The following PPARGC1A variants were observed in gnomAD, a reference collection of about 807,000 sequenced individuals.
PPARGC1A encodes the protein peroxisome proliferator-activated receptor gamma coactivator 1-alpha.
In PPARGC1A, 25 loss-of-function variants were observed where a neutral mutation model predicts 88.7. The observed-to-expected ratio is 0.28, with a 90% CI of 0.21 to 0.39. The LOEUF is 0.39. PPARGC1A is among the 10% of genes least tolerant of loss of function. The probability of loss-of-function intolerance (pLI) is 1.00; values close to 1 mark genes in which losing one functional copy is unlikely to be tolerated. For missense variants in PPARGC1A, 880 were observed against 968.7 expected (o/e 0.91, Z 1.22); for synonymous variants, 363 against 355.6 (o/e 1.02, Z -0.24).
chr4:23,844,621 AT>A (rs1185838718), intron 2 of PPARGC1A, among the ~76,000 whole-genome samples: 2 of 85,984 alleles, frequency 2.3e-5, no homozygotes, highest in Non-Finnish European at 4.0e-5. Context: ...AATATATTAT[AT>A]TAATATATAA....
chr4:23,913,094 C>T, the PPARGC1A span, among the ~76,000 whole-genome samples: 2 of 149,742 alleles, frequency 1.3e-5, no homozygotes, highest in African/African-American at 2.4e-5. Context: ...CGTGAGCCAC[C>T]GCACCTGGCC....
chr4:24,467,008 G>GAGAAAGAAAGAAAGAAAGAA, the PPARGC1A span, among the ~76,000 whole-genome samples: 3,351 of 128,802 alleles, frequency 0.026, 95 homozygotes, highest in Non-Finnish European at 0.034. Flanking sequence ...GAAGGAAGGG[G>GAGAAAGAAAGAAAGAAAGAA]AGAAAGAAAG....
upstream of PPARGC1A, among the ~76,000 whole-genome samples, chr4:23,901,916 T>A (rs1050330791): frequency 2.6e-5 from 4 of 152,140 alleles, no homozygotes; most frequent in African/African-American, 4.8e-5. Flanking sequence ...TTCTGTGTAG[T>A]GAAATGCTGG....
chr4:23,818,157 C>T (rs1447408133), intron 7 of PPARGC1A, among the ~76,000 whole-genome samples: 1 of 152,098 alleles, frequency 6.6e-6, no homozygotes, highest in Non-Finnish European at 1.5e-5. Context: ...TGGATTATTT[C>T]CTGCGTGTTG....
At chr4:24,095,912 T>G in the PPARGC1A span, among the ~76,000 whole-genome samples, 1 of 152,156 alleles carries the variant, frequency 6.6e-6, no homozygotes, top group Non-Finnish European at 1.5e-5. Flanking sequence ...CCTCATCACC[T>G]CTTAAAGGCC....
the PPARGC1A span, among the ~76,000 whole-genome samples, chr4:24,026,334 C>T: frequency 0.93 from 142,172 of 152,258 alleles, 66,432 homozygotes; most frequent in Admixed American, 0.96. Flanking sequence ...GAAATGTTTG[C>T]ATACACAAAA....
chr4:24,470,434 G>C, the PPARGC1A span, among the ~76,000 whole-genome samples: 1 of 152,104 alleles, frequency 6.6e-6, no homozygotes, highest in African/African-American at 2.4e-5. The surrounding 1 kb of genome is among the most constrained non-coding windows in gnomAD (Gnocchi z 5.8). Flanking sequence ...AGGAAGCGTG[G>C]AGAGCACCCA....
At chr4:24,319,637 T>A in the PPARGC1A span, among the ~76,000 whole-genome samples, 989 of 152,252 alleles carry the variant, frequency 6.5e-3, 5 homozygotes, top group Admixed American at 0.013. Flanking sequence ...CTGTAGACAC[T>A]GTTTTCCCCA....
chr4:24,413,686 C>T, the PPARGC1A span, among the ~76,000 whole-genome samples: 2 of 152,102 alleles, frequency 1.3e-5, no homozygotes, highest in Admixed American at 6.5e-5. Flanking sequence ...TCCTTCTTTC[C>T]GCTGCTGGCT....
At chr4:23,820,433 A>C (rs1722809719) in intron 7 of PPARGC1A, 2 of 218,426 alleles carry the variant, frequency 9.2e-6, no homozygotes, top group Admixed American at 5.5e-5. Context: ...TTTGGTCCCT[A>C]CCCAAATTCC....
the PPARGC1A span, among the ~76,000 whole-genome samples, chr4:24,419,695 C>T: frequency 6.6e-6 from 1 of 151,986 alleles, no homozygotes; most frequent in African/African-American, 2.4e-5. Flanking sequence ...TCAATTCTTT[C>T]CAGAGAGGAA....
At chr4:24,084,770 G>A in the PPARGC1A span, among the ~76,000 whole-genome samples, 3 of 152,106 alleles carry the variant, frequency 2.0e-5, no homozygotes, top group Non-Finnish European at 2.9e-5. Context: ...ATGAATGAAC[G>A]TGTCCCACAT....
the PPARGC1A span, among the ~76,000 whole-genome samples, chr4:24,380,108 A>G: frequency 1.3e-5 from 2 of 151,894 alleles, no homozygotes; most frequent in Admixed American, 1.3e-4. Flanking sequence ...TAAAATATAT[A>G]GTTTTTTTTT....
chr4:23,811,196 T>A (rs1270582342), intron 10 of PPARGC1A, among the ~76,000 whole-genome samples: 1 of 152,232 alleles, frequency 6.6e-6, no homozygotes, highest in African/African-American at 2.4e-5. Flanking sequence ...TTAACCTTTT[T>A]CCTCCAGCTG....
chr4:24,079,481 A>T, the PPARGC1A span, among the ~76,000 whole-genome samples: 5 of 151,860 alleles, frequency 3.3e-5, no homozygotes, highest in African/African-American at 1.2e-4. Context: ...TCTTATTTGT[A>T]TGAGATCTTC....
At chr4:23,891,235 T>G (rs2148857151), upstream of PPARGC1A, among the ~76,000 whole-genome samples, 1 of 152,296 alleles carries the variant, frequency 6.6e-6, no homozygotes, top group South Asian at 2.1e-4. Context: ...GTGGTCTGAC[T>G]TAACCCTTCC....
chr4:23,902,763 C>T (rs981698659), upstream of PPARGC1A, among the ~76,000 whole-genome samples: 1 of 151,872 alleles, frequency 6.6e-6, no homozygotes, highest in African/African-American at 2.4e-5. Flanking sequence ...TTACAAAATG[C>T]ACCCGCCTCT....
upstream of PPARGC1A, among the ~76,000 whole-genome samples, chr4:23,894,295 C>T (rs1000470342): frequency 6.6e-6 from 1 of 151,968 alleles, no homozygotes; most frequent in Non-Finnish European, 1.5e-5. Flanking sequence ...GCTTTTAATT[C>T]CTAGAGGGAC....
chr4:24,100,665 T>C, the PPARGC1A span, among the ~76,000 whole-genome samples: 5 of 152,186 alleles, frequency 3.3e-5, no homozygotes. Context: ...TGGAATTAAA[T>C]GAGTGATGAA....
Sources: allele counts gnomAD v4.1 joint callset (sites outside exome capture counted in the v4.1 genomes callset), GRCh38; gene constraint gnomAD v4.1.1; non-coding constraint Gnocchi (gnomAD v3.1); transcripts MANE v1.5; gene names NCBI Gene and HGNC (gene_info 2026-07-23, HGNC 2026-07-21).